Variants in CYP7B1 observed in about 807,000 individuals in gnomAD.
The protein encoded by CYP7B1 is cytochrome P450 family 7 subfamily B member 1.
In CYP7B1, 29 loss-of-function variants were observed where a neutral mutation model predicts 42.7. The ratio of observed to expected loss-of-function variants is 0.68; its 90% CI spans 0.51 to 0.93. The LOEUF is 0.93. Ranked by LOEUF, CYP7B1 falls within the 40% of genes least tolerant of loss-of-function variation. The pLI is 0.00. For missense variants in CYP7B1, 655 were observed against 600.5 expected, an observed-to-expected ratio of 1.09 and a Z score of -0.95; for synonymous variants, 235 against 218.2, an observed-to-expected ratio of 1.08 and a Z score of -0.68.
chr8:64,755,347 A>C (rs1372294357), intron 1 of CYP7B1, among the ~76,000 whole-genome samples: 5 of 152,152 alleles, frequency 3.3e-5, no homozygotes, highest in Non-Finnish European at 7.4e-5. Flanking sequence ...CTCCCATAGC[A>C]CTGTTATCCC....
At chr8:64,674,652 A>G (rs956542259) in intron 1 of CYP7B1, among the ~76,000 whole-genome samples, 2 of 152,142 alleles carry the variant, frequency 1.3e-5, no homozygotes, top group African/African-American at 4.8e-5. Context: ...GAAACTAAGC[A>G]AGTTGATCTT....
At chr8:64,695,954 T>A (rs1271157312) in intron 1 of CYP7B1, among the ~76,000 whole-genome samples, 1 of 152,182 alleles carries the variant, frequency 6.6e-6, no homozygotes, top group Non-Finnish European at 1.5e-5. Flanking sequence ...AAAATGTAGA[T>A]TCTATTCTTA....
chr8:64,743,020 C>T (rs926701720), intron 1 of CYP7B1, among the ~76,000 whole-genome samples: 6 of 152,084 alleles, frequency 3.9e-5, no homozygotes, highest in African/African-American at 7.2e-5. Context: ...GCCAAGCCAA[C>T]GCCAATCTTT....
intron 1 of CYP7B1, among the ~76,000 whole-genome samples, chr8:64,643,608 C>G (rs1406420643): frequency 6.6e-6 from 1 of 152,116 alleles, no homozygotes; most frequent in African/African-American, 2.4e-5. Context: ...TTGACTCTTC[C>G]TTTCATGAAA....
intron 1 of CYP7B1, among the ~76,000 whole-genome samples, chr8:64,789,398 C>A (rs1209854044): frequency 6.6e-6 from 1 of 152,114 alleles, no homozygotes; most frequent in African/African-American, 2.4e-5. Context: ...AAGTAAAAAG[C>A]CACTCATCCA....
chr8:64,726,555 C>T (rs573483818), intron 1 of CYP7B1, among the ~76,000 whole-genome samples: 7 of 152,238 alleles, frequency 4.6e-5, no homozygotes, highest in East Asian at 3.9e-4. Flanking sequence ...CATTTTTTGG[C>T]GCTGCATCTT....
chr8:64,793,583 T>G (rs1415822129), intron 1 of CYP7B1, among the ~76,000 whole-genome samples: 1 of 152,162 alleles, frequency 6.6e-6, no homozygotes, highest in African/African-American at 2.4e-5. Context: ...TATTAATGAC[T>G]TGCTGTAGAT....
intron 1 of CYP7B1, among the ~76,000 whole-genome samples, chr8:64,674,479 T>A (rs1449416177): frequency 6.6e-6 from 1 of 152,160 alleles, no homozygotes; most frequent in African/African-American, 2.4e-5. Context: ...GTTTGATACA[T>A]ATTTGTTGAA....
At chr8:64,699,972 C>T (rs982670397) in intron 1 of CYP7B1, among the ~76,000 whole-genome samples, 4 of 152,240 alleles carry the variant, frequency 2.6e-5, no homozygotes, top group African/African-American at 9.6e-5. Context: ...GGGAGGATGG[C>T]TGGCACCTGG....
At chr8:64,729,029 G>A (rs373752941) in intron 1 of CYP7B1, 1 of 152,246 alleles carries the variant, frequency 6.6e-6, no homozygotes, top group East Asian at 1.9e-4. Flanking sequence ...GCATGGTGGT[G>A]TACTCCTGTA....
chr8:64,589,097 G>A (rs964978609), downstream of CYP7B1, among the ~76,000 whole-genome samples: 12 of 152,172 alleles, frequency 7.9e-5, no homozygotes, highest in African/African-American at 2.7e-4. Flanking sequence ...TATGGTTTAT[G>A]AAAGCAAAAC....
intron 1 of CYP7B1, among the ~76,000 whole-genome samples, chr8:64,680,070 C>T (rs1195572250): frequency 6.6e-6 from 1 of 152,018 alleles, no homozygotes; most frequent in Non-Finnish European, 1.5e-5. Context: ...TTTCCCCCTC[C>T]CTCCATTCCC....
chr8:64,666,568 T>C (rs906234599), intron 1 of CYP7B1, among the ~76,000 whole-genome samples: 2 of 152,070 alleles, frequency 1.3e-5, no homozygotes, highest in African/African-American at 4.8e-5. Context: ...GGTGGACAAG[T>C]GTGTCTGACC....
At chr8:64,677,470 T>A (rs977637624) in intron 1 of CYP7B1, among the ~76,000 whole-genome samples, 21 of 147,984 alleles carry the variant, frequency 1.4e-4, no homozygotes, top group Non-Finnish European at 2.5e-4. Flanking sequence ...AAAAATGATT[T>A]CCTGGTGATT....
chr8:64,632,182 T>G (rs1805706454), intron 1 of CYP7B1, among the ~76,000 whole-genome samples: 1 of 152,144 alleles, frequency 6.6e-6, no homozygotes, highest in Non-Finnish European at 1.5e-5. Flanking sequence ...AAATGTCCAC[T>G]GACACATGAA....
chr8:64,780,391 T>C (rs756625744), intron 1 of CYP7B1, among the ~76,000 whole-genome samples: 30 of 152,258 alleles, frequency 2.0e-4, no homozygotes, highest in Non-Finnish European at 3.2e-4. Flanking sequence ...TAATGTCAAC[T>C]ATTTAGGATG....
At chr8:64,668,744 T>C (rs1379430650) in intron 1 of CYP7B1, among the ~76,000 whole-genome samples, 3 of 148,708 alleles carry the variant, frequency 2.0e-5, no homozygotes, top group Non-Finnish European at 3.0e-5. Flanking sequence ...AAAAAAAGGT[T>C]AAAAAGAGAA....
chr8:64,630,890 G>A (rs938855366), intron 1 of CYP7B1, among the ~76,000 whole-genome samples: 2 of 152,188 alleles, frequency 1.3e-5, no homozygotes, highest in Admixed American at 6.5e-5. Flanking sequence ...AAGAGAAAGA[G>A]AAAGAAGAAA....
chr8:64,737,153 A>G (rs1387258322), intron 1 of CYP7B1, among the ~76,000 whole-genome samples: 5 of 152,202 alleles, frequency 3.3e-5, no homozygotes, highest in Admixed American at 3.3e-4. Flanking sequence ...GGCTAGACAG[A>G]GTGCAATGAT....
Sources: allele counts gnomAD v4.1 joint callset (sites outside exome capture counted in the v4.1 genomes callset), GRCh38; gene constraint gnomAD v4.1.1; transcripts MANE v1.5; gene names NCBI Gene and HGNC (gene_info 2026-07-23, HGNC 2026-07-21).